Variants in KLRF1 observed in about 807,000 individuals in gnomAD.
KLRF1 encodes the protein killer cell lectin like receptor F1, also known as killer cell lectin-like receptor subfamily F member 1.
A neutral mutation model predicts 30.7 loss-of-function variants in KLRF1; 27 were observed. That is an observed-to-expected ratio of 0.88 (90% CI 0.65 to 1.21). The LOEUF (loss-of-function observed/expected upper bound fraction) is 1.21. KLRF1 is among the 50% of genes most tolerant of loss of function. KLRF1 has a pLI of 0.00. For synonymous variants in KLRF1, 92 were observed against 89.3 expected, an observed-to-expected ratio of 1.03 and a Z score of -0.17; for missense variants, 246 against 259.3, an observed-to-expected ratio of 0.95 and a Z score of 0.35.
At chr12:9,842,244 G>T (rs1867718802) in intron 4 of KLRF1, 77 bp from the exon 5 acceptor site, 1 of 1,527,506 alleles carries the variant, frequency 6.5e-7, no homozygotes, top group Non-Finnish European at 8.9e-7. Flanking sequence ...GTGCTTTTTT[G>T]CAATAACATT....
At chr12:9,834,010 G>C (rs755459790) in intron 3 of KLRF1, among the ~76,000 whole-genome samples, 1 of 150,628 alleles carries the variant, frequency 6.6e-6, no homozygotes, top group African/African-American at 2.5e-5. Flanking sequence ...TAGGGGTGAG[G>C]CCGTTTTATA....
chr12:9,844,543 C>G lies in KLRF1; in HGVS notation c.*17C>G, dbSNP rs763349530. ...CAGTATTAGAGTTTGACAAAATTCA[C>G]AGTGAAATAATCAATGATCACTATT... On this transcript the variant is annotated 3_prime_UTR_variant, in exon 6 of 6. Coordinates refer to ENST00000617889, the MANE Select transcript of KLRF1 (RefSeq NM_016523.3). 99 of 1,327,384 alleles carry G rather than the reference C, an allele frequency of 7.5e-5. No homozygotes were observed. The highest frequency in any genetic ancestry group is 1.4e-4 in the Admixed American group (8 of 57,654). 82.2% of individuals were successfully genotyped at this position (1,327,384 alleles called of 1,614,324 possible).
upstream of KLRF1, among the ~76,000 whole-genome samples, chr12:9,823,819 A>AAT (rs376314870): frequency 4.9e-3 from 747 of 152,258 alleles, 2 homozygotes; most frequent in African/African-American, 0.017. Context: ...ACCCCCATGA[A>AAT]ATATAAATAA....
chr12:9,841,755 A>G lies in KLRF1; in HGVS notation c.335-57A>G, dbSNP rs777314018. ...CATGTAAGTATTGTTCTTATGGCCA[A>G]TTTTCAGAGATGCATATGTAATTTA... On this transcript the variant is annotated intron_variant, in intron 3 of 5. Coordinates refer to ENST00000617889, the MANE Select transcript of KLRF1 (RefSeq NM_016523.3). The G allele has an allele frequency of 7.1e-6, 10 of 1,403,936 alleles. No homozygotes were observed. In the East Asian group the frequency reaches 1.7e-4, roughly 23 times the overall value. The allele number at this position is 1,403,936 out of a possible 1,614,324, so 87.0% of individuals were successfully genotyped here.
rs1867309935 is a variant in KLRF1 at position 9,827,610 on chromosome 12, A to G, written c.66A>G (p.Thr22=). 1 of 1,601,280 alleles carries G rather than the reference A, an allele frequency of 6.2e-7. No homozygotes were observed. Among genetic ancestry groups the G allele is most frequent in the Non-Finnish European group, 8.5e-7 (1 of 1,170,258 alleles). The change falls in exon 1 of 6, where the codon ACA becomes ACG. Residue 22 remains threonine, a synonymous_variant. Transcript: ENST00000617889. ...VQSKKRSSAQ[T]SQLTFKDYSV... is the part of the protein sequence containing the mutation. ...CAAAGAAAAGGAGTTCTGCCCAAAC[A>G]TCTCAACTTACATTTAAAGGTATGG...
chr12:9,839,899 T>G (rs1320635191), intron 3 of KLRF1, among the ~76,000 whole-genome samples: 1 of 152,146 alleles, frequency 6.6e-6, no homozygotes, highest in Non-Finnish European at 1.5e-5. Flanking sequence ...TGTACATGAA[T>G]GTTCATTGTA....
intron 3 of KLRF1, among the ~76,000 whole-genome samples, chr12:9,840,382 A>G (rs1867674081): frequency 6.6e-6 from 1 of 152,106 alleles, no homozygotes; most frequent in African/African-American, 2.4e-5. Flanking sequence ...AAAATAAATA[A>G]AAAGAGACAG....
Position 9,844,474 on chromosome 12 carries a change from A to C in KLRF1, c.644A>C (p.Lys215Thr), listed in dbSNP as rs755736196. ...ENSCAAIKES[K>T]IFSETCSSVF... The stretch of plus-strand genomic sequence containing the variant: ...AGCTGTGCTGCCATTAAGGAAAGCA[A>C]AATTTTCTCTGAAACCTGCAGCAGT... Residue 215 changes from lysine to threonine, a missense_variant, in exon 6 of 6, where the codon AAA (lysine) becomes ACA (threonine). Physicochemically the swap from Lys to Thr is moderately conservative, Grantham distance 78. Transcript: ENST00000617889. The C allele has an allele frequency of 6.2e-7, 1 of 1,611,318 alleles. No homozygotes were observed. The highest frequency in any genetic ancestry group is 1.3e-5 in the African/African-American group (1 of 74,952).
At chr12:9,812,472 C>T in the KLRF1 span, among the ~76,000 whole-genome samples, 2 of 151,882 alleles carry the variant, frequency 1.3e-5, no homozygotes, top group East Asian at 1.9e-4. Context: ...GAAGGTTGTC[C>T]GCTGGCATCA....
chr12:9,837,146 C>T (rs1181349572), intron 3 of KLRF1, among the ~76,000 whole-genome samples: 1 of 152,026 alleles, frequency 6.6e-6, no homozygotes, highest in Non-Finnish European at 1.5e-5. Context: ...CCTCTGACAA[C>T]TACAAATCTT....
upstream of KLRF1, among the ~76,000 whole-genome samples, chr12:9,824,678 C>A (rs983068374): frequency 1.3e-5 from 2 of 152,124 alleles, no homozygotes; most frequent in Non-Finnish European, 2.9e-5. Flanking sequence ...TAAAACTATT[C>A]CTGTTTTCAG....
intron 3 of KLRF1, among the ~76,000 whole-genome samples, chr12:9,837,414 G>A (rs955436681): frequency 6.6e-6 from 1 of 151,524 alleles, no homozygotes; most frequent in Admixed American, 6.6e-5. Context: ...ATAGTTTTAT[G>A]TATATCTGTA....
At chr12:9,824,902 C>T (rs934223568), upstream of KLRF1, among the ~76,000 whole-genome samples, 2 of 152,052 alleles carry the variant, frequency 1.3e-5, no homozygotes, top group Non-Finnish European at 2.9e-5. Context: ...CATAGGAATA[C>T]AGTCAACCAG....
At chr12:9,817,229 C>A in the KLRF1 span, 135 of 184,880 alleles carry the variant, frequency 7.3e-4, no homozygotes, top group Admixed American at 2.8e-3. Context: ...TATCTAAATT[C>A]TAATATCCTT....
At chr12:9,802,701 C>T in the KLRF1 span, among the ~76,000 whole-genome samples, 87 of 151,962 alleles carry the variant, frequency 5.7e-4, no homozygotes, top group Non-Finnish European at 7.1e-4. Context: ...TGAATAAATT[C>T]CCATTCACAA....
In KLRF1 at chr12:9,841,854, A is replaced by G. The variant is rs982448927; in HGVS notation, c.377A>G (p.Tyr126Cys). ...SEWLKYQGKC[Y>C]WFSNEMKSWS... is the part of the protein sequence containing the mutation. The stretch of plus-strand genomic sequence containing the variant: ...TGGCTCAAATACCAAGGGAAGTGTT[A>G]TTGGTTCTCTAATGAGATGAAAAGC... Residue 126 changes from tyrosine (Y) to cysteine (C), a missense_variant, in exon 4 of 6, where the codon TAT becomes TGT. Coordinates refer to ENST00000617889, the MANE Select transcript of KLRF1 (RefSeq NM_016523.3). 3.1e-6 allele frequency: 5 copies of G among 1,607,720 alleles called. No homozygotes were observed. Among genetic ancestry groups the G allele is most frequent in the Non-Finnish European group, 4.3e-6 (5 of 1,175,148 alleles).
intron 3 of KLRF1, among the ~76,000 whole-genome samples, chr12:9,835,297 T>TGAG (rs1217686220): frequency 6.6e-6 from 1 of 151,952 alleles, no homozygotes; most frequent in African/African-American, 2.4e-5. Flanking sequence ...AGTAAAAAGA[T>TGAG]GAGGAGTGCT....
the KLRF1 span, among the ~76,000 whole-genome samples, chr12:9,821,175 G>C: frequency 9.2e-5 from 14 of 152,008 alleles, no homozygotes; most frequent in Admixed American, 1.3e-4. Flanking sequence ...CTCTCCTCCT[G>C]ATTACTCTTA....
the KLRF1 span, among the ~76,000 whole-genome samples, chr12:9,817,005 C>T: frequency 2.4e-4 from 37 of 152,136 alleles, no homozygotes; most frequent in Non-Finnish European, 1.3e-4. Context: ...CCAGCATTCT[C>T]TTCTTTCTCT....
Sources: allele counts gnomAD v4.1 joint callset (sites outside exome capture counted in the v4.1 genomes callset), GRCh38; gene constraint gnomAD v4.1.1; transcripts MANE v1.5; gene names NCBI Gene and HGNC (gene_info 2026-07-23, HGNC 2026-07-21).